The following PARN variants were observed in gnomAD, a reference collection of about 807,000 sequenced individuals.
PARN encodes the protein poly(A)-specific ribonuclease, also known as poly(A)-specific ribonuclease PARN.
In PARN, 71 loss-of-function variants were observed where a neutral mutation model predicts 102.8. The ratio of observed to expected loss-of-function variants is 0.69; its 90% confidence interval spans 0.57 to 0.84. The LOEUF is 0.84. PARN is among the 40% of genes least tolerant of loss of function. The pLI, the probability that PARN is intolerant of heterozygous loss-of-function variation, is 0.00. For synonymous variants in PARN, 261 were observed against 252.9 expected (o/e 1.03, Z -0.30); for missense variants, 782 against 760.9 (o/e 1.03, Z -0.33).
intron 22 of PARN, among the ~76,000 whole-genome samples, chr16:14,472,281 A>G (rs1190823287): frequency 6.6e-6 from 1 of 152,190 alleles, no homozygotes; most frequent in Non-Finnish European, 1.5e-5. Flanking sequence ...TGCATTTTAC[A>G]TTAACGAGAC....
At chr16:14,499,605 T>C (rs771259703) in intron 21 of PARN, among the ~76,000 whole-genome samples, 1 of 152,268 alleles carries the variant, frequency 6.6e-6, no homozygotes, top group Non-Finnish European at 1.5e-5. Context: ...GTTCTAAATA[T>C]TCATTTTGCT....
At chr16:14,590,947 G>A (rs1970160496) in intron 13 of PARN, among the ~76,000 whole-genome samples, 2 of 152,148 alleles carry the variant, frequency 1.3e-5, no homozygotes, top group South Asian at 2.1e-4. Flanking sequence ...CAATCTAGAA[G>A]TAACAAAATA....
At chr16:14,437,386 T>C (rs1257881770) in intron 23 of PARN, among the ~76,000 whole-genome samples, 2 of 152,182 alleles carry the variant, frequency 1.3e-5, no homozygotes, top group Non-Finnish European at 2.9e-5. Context: ...CAGTGGGGGT[T>C]CCAATATCTC....
At chr16:14,504,061 G>C (rs1051098584) in intron 21 of PARN, among the ~76,000 whole-genome samples, 4 of 152,264 alleles carry the variant, frequency 2.6e-5, no homozygotes, top group African/African-American at 9.6e-5. Flanking sequence ...AAACGAGAAG[G>C]GGCTTAGAGA....
intron 21 of PARN, among the ~76,000 whole-genome samples, chr16:14,500,064 T>G (rs983828561): frequency 6.6e-6 from 1 of 152,146 alleles, no homozygotes; most frequent in Non-Finnish European, 1.5e-5. Flanking sequence ...TTTTTTTCAT[T>G]CTTTGTTTTT....
intron 18 of PARN, among the ~76,000 whole-genome samples, chr16:14,578,189 C>T (rs1332876712): frequency 4.0e-5 from 6 of 148,320 alleles, no homozygotes; most frequent in South Asian, 2.2e-4. Flanking sequence ...ATTAGCAGGG[C>T]GTGGTGGTAC....
intron 22 of PARN, among the ~76,000 whole-genome samples, chr16:14,457,989 G>C (rs889418068): frequency 1.4e-4 from 21 of 151,408 alleles, no homozygotes; most frequent in African/African-American, 4.9e-4. Flanking sequence ...TTGTGTATCT[G>C]CTCCATCCTA....
intron 21 of PARN, among the ~76,000 whole-genome samples, chr16:14,530,317 T>C (rs1966254508): frequency 6.6e-6 from 1 of 152,154 alleles, no homozygotes; most frequent in Non-Finnish European, 1.5e-5. Flanking sequence ...GGGAGAGCTC[T>C]GCCAGTTACC....
chr16:14,504,672 C>A lies in PARN; in HGVS notation c.1481-21845G>T, dbSNP rs528762019. Among the ~76,000 whole-genome samples the A allele has an allele frequency of 5.3e-5, 8 of 152,272 alleles. No homozygotes were observed. In the South Asian group the frequency reaches 1.4e-3, roughly 28 times the overall value. ...CCAAACAAAATATAATCAATAAATT[C>A]TCTGGCTAGCTATTTGGGAAAAAGT... On this transcript the variant is annotated intron_variant, in intron 21 of 23. Transcript: ENST00000437198.
intron 18 of PARN, among the ~76,000 whole-genome samples, chr16:14,566,951 G>C (rs1201171135): frequency 6.6e-6 from 1 of 152,222 alleles, no homozygotes; most frequent in African/African-American, 2.4e-5. Context: ...GTATCAACTT[G>C]AGGCAAGCAG....
intron 12 of PARN, among the ~76,000 whole-genome samples, chr16:14,597,396 G>A (rs1234145643): frequency 6.6e-6 from 1 of 152,050 alleles, no homozygotes; most frequent in Non-Finnish European, 1.5e-5. Flanking sequence ...TTAACCAAGC[G>A]ATCAAGATCA....
At chr16:14,618,558 G>A (rs965602483) in intron 5 of PARN, among the ~76,000 whole-genome samples, 2 of 151,624 alleles carry the variant, frequency 1.3e-5, no homozygotes, top group African/African-American at 4.8e-5. Context: ...TTACTCAGGA[G>A]GCTGAGGCAG....
intron 22 of PARN, among the ~76,000 whole-genome samples, chr16:14,456,721 A>G (rs1280678026): frequency 6.6e-6 from 1 of 151,724 alleles, no homozygotes; most frequent in Non-Finnish European, 1.5e-5. Context: ...CTGAGATTGC[A>G]CTCCAAGTTC....
At chr16:14,595,798 T>G (rs901686865) in intron 12 of PARN, among the ~76,000 whole-genome samples, 7 of 152,052 alleles carry the variant, frequency 4.6e-5, no homozygotes, top group African/African-American at 1.7e-4. Context: ...CTCAAAGTGC[T>G]GGGATTACAG....
chr16:14,608,031 A>G (rs1439869765), intron 9 of PARN: 1 of 495,420 alleles, frequency 2.0e-6, no homozygotes, highest in African/African-American at 2.0e-5. Flanking sequence ...GGACAAAAAC[A>G]CTACCAATCC....
intron 18 of PARN, chr16:14,576,061 G>T: frequency 6.5e-6 from 1 of 153,362 alleles, no homozygotes; most frequent in Non-Finnish European, 1.5e-5. Context: ...GAAACTACAA[G>T]TCCAATAAAC....
At chr16:14,573,381 G>A (rs992030415) in intron 18 of PARN, among the ~76,000 whole-genome samples, 1 of 152,060 alleles carries the variant, frequency 6.6e-6, no homozygotes, top group Non-Finnish European at 1.5e-5. Flanking sequence ...AGTAACTACA[G>A]TCACCATGCT....
chr16:14,585,774 TGAGA>T (rs1969815520), intron 14 of PARN, among the ~76,000 whole-genome samples: 1 of 152,140 alleles, frequency 6.6e-6, no homozygotes, highest in South Asian at 2.1e-4. Flanking sequence ...GACAGCAAGA[TGAGA>T]GATAAGAAAA....
chr16:14,564,099 T>A (rs1567390295), intron 18 of PARN, among the ~76,000 whole-genome samples: 1 of 152,002 alleles, frequency 6.6e-6, no homozygotes. Flanking sequence ...CCCTGTTCTC[T>A]CTCTCCCACG....
Sources: allele counts gnomAD v4.1 joint callset (sites outside exome capture counted in the v4.1 genomes callset), GRCh38; gene constraint gnomAD v4.1.1; transcripts MANE v1.5; gene names NCBI Gene and HGNC (gene_info 2026-07-23, HGNC 2026-07-21).